Variants in MAGI2 observed in about 807,000 individuals in gnomAD.
The protein encoded by MAGI2 is membrane associated guanylate kinase, WW and PDZ domain containing 2, also known as membrane-associated guanylate kinase, WW and PDZ domain-containing protein 2.
MAGI2 carries 35 observed loss-of-function variants against 133.3 expected under a neutral mutation model. The observed-to-expected ratio is 0.26, with a 90% CI of 0.20 to 0.35. MAGI2 has a LOEUF of 0.35. Ranked by LOEUF, MAGI2 falls within the 10% of genes least tolerant of loss-of-function variation. The pLI is 1.00. For missense variants in MAGI2, 1,636 were observed against 1,863.4 expected (o/e 0.88, Z 2.25); for synonymous variants, 729 against 710.6 (o/e 1.03, Z -0.41).
At chr7:78,872,749 C>T (rs895437384) in intron 2 of MAGI2, among the ~76,000 whole-genome samples, 1 of 151,486 alleles carries the variant, frequency 6.6e-6, no homozygotes, top group Non-Finnish European at 1.5e-5. Flanking sequence ...ATTTCTGGCC[C>T]GTGGGTGAAA....
chr7:78,324,920 C>T (rs536889942), intron 9 of MAGI2, among the ~76,000 whole-genome samples: 7 of 152,182 alleles, frequency 4.6e-5, no homozygotes, highest in South Asian at 2.1e-4. Flanking sequence ...GAGCCAAGAT[C>T]GCGCCATTGT....
At chr7:78,497,763 T>G (rs1794249787) in intron 5 of MAGI2, among the ~76,000 whole-genome samples, 1 of 136,144 alleles carries the variant, frequency 7.3e-6, no homozygotes, top group Non-Finnish European at 1.5e-5. Context: ...TATCTATCTA[T>G]CTTTCTATCT....
Position 79,448,488 on chromosome 7 carries a change from G to C in MAGI2, c.301+4532C>G, listed in dbSNP as rs541988638. 6.6e-5 allele frequency among the ~76,000 whole-genome samples: 10 copies of C among 152,134 alleles called. 1 individual carries two copies. The highest frequency in any genetic ancestry group is 2.2e-4 in the African/African-American group (9 of 41,510). On this transcript the variant is annotated intron_variant, in intron 1 of 21. Transcript: ENST00000354212. ...TCTACATAATGCTTATCACCTGCCA[G>C]ACACTACACACTTTAAATACATAAC...
intron 1 of MAGI2, among the ~76,000 whole-genome samples, chr7:79,273,316 C>T (rs985649344): frequency 6.6e-6 from 1 of 152,072 alleles, no homozygotes; most frequent in Non-Finnish European, 1.5e-5. Flanking sequence ...AGTACTGAAT[C>T]TCTAATTTAG....
At position 79,323,075 on chromosome 7, in the gene MAGI2, C is replaced by A. The variant is rs187408010; in HGVS notation, c.301+129945G>T. Among the ~76,000 whole-genome samples the A allele has an allele frequency of 2.1e-3, 323 of 152,134 alleles. 1 individual carries two copies. The highest frequency in any genetic ancestry group is 6.5e-3 in the African/African-American group (270 of 41,528). On this transcript the variant is annotated intron_variant, in intron 1 of 21. Transcript: ENST00000354212. ...CTAGTCTCAAACTCTTGGGCTCAAG[C>A]AATCCTCCCACCTCGGCCTCCCAAA...
At chr7:79,352,241 G>A (rs1257176238) in intron 1 of MAGI2, among the ~76,000 whole-genome samples, 2 of 152,174 alleles carry the variant, frequency 1.3e-5, no homozygotes, top group Non-Finnish European at 2.9e-5. Flanking sequence ...TCAATTATGC[G>A]AAGTTAGACA....
At chr7:78,161,668 A>T (rs1331670549) in intron 15 of MAGI2, among the ~76,000 whole-genome samples, 2 of 66,824 alleles carry the variant, frequency 3.0e-5, no homozygotes, top group South Asian at 4.4e-4. Flanking sequence ...ATCGATACCT[A>T]AAAAAAAAAA....
intron 9 of MAGI2, among the ~76,000 whole-genome samples, chr7:78,307,404 C>T (rs2151087108): frequency 6.6e-6 from 1 of 152,176 alleles, no homozygotes; most frequent in South Asian, 2.1e-4. Context: ...TATGTCTTTG[C>T]CAGGTAGTGA....
At chr7:78,177,500 TC>T (rs1826772268) in intron 14 of MAGI2, among the ~76,000 whole-genome samples, 1 of 152,038 alleles carries the variant, frequency 6.6e-6, no homozygotes, top group Non-Finnish European at 1.5e-5. Flanking sequence ...CTTCTAGATT[TC>T]CCAATATATA....
chr7:78,675,130 C>A (rs764829201), intron 2 of MAGI2, among the ~76,000 whole-genome samples: 4 of 152,186 alleles, frequency 2.6e-5, no homozygotes, highest in Non-Finnish European at 5.9e-5. Context: ...GGGGTTACTG[C>A]AAAGACCCAA....
At chr7:78,379,743 A>G (rs1794752089) in intron 6 of MAGI2, among the ~76,000 whole-genome samples, 1 of 152,078 alleles carries the variant, frequency 6.6e-6, no homozygotes, top group Non-Finnish European at 1.5e-5. Flanking sequence ...CTACAATAAT[A>G]GAAAATACAC....
chr7:79,336,268 G>A (rs1026980116), intron 1 of MAGI2, among the ~76,000 whole-genome samples: 4 of 152,138 alleles, frequency 2.6e-5, no homozygotes, highest in South Asian at 2.1e-4. Context: ...CATGTCTAAC[G>A]TCACACTACT....
At chr7:78,396,514 A>G (rs962826882) in intron 6 of MAGI2, among the ~76,000 whole-genome samples, 1 of 152,140 alleles carries the variant, frequency 6.6e-6, no homozygotes, top group African/African-American at 2.4e-5. Flanking sequence ...ATCTCCTTTC[A>G]CATATCACAT....
chr7:78,100,318 C>G (rs1199303821), intron 20 of MAGI2, among the ~76,000 whole-genome samples: 1 of 152,140 alleles, frequency 6.6e-6, no homozygotes, highest in Non-Finnish European at 1.5e-5. Flanking sequence ...GCATTCCAGG[C>G]TGAGTTATGC....
chr7:78,963,123 A>C (rs1313134176), intron 2 of MAGI2, among the ~76,000 whole-genome samples: 10 of 152,136 alleles, frequency 6.6e-5, no homozygotes, highest in Non-Finnish European at 7.4e-5. Context: ...CTTTAAAAAA[A>C]ACAATTTTAC....
chr7:78,519,003 G>A (rs1796266256), intron 4 of MAGI2: 1 of 151,628 alleles, frequency 6.6e-6, no homozygotes, highest in African/African-American at 2.4e-5. Context: ...CTCCCAAAGT[G>A]CTGGAATTAC....
chr7:78,193,816 A>G (rs1828460941), intron 12 of MAGI2, among the ~76,000 whole-genome samples: 2 of 151,308 alleles, frequency 1.3e-5, no homozygotes, highest in Admixed American at 1.3e-4. Flanking sequence ...TGATTTCTCA[A>G]TGGCTTGCCA....
At chr7:78,192,523 C>CTTTTT (rs35559367) in intron 12 of MAGI2, among the ~76,000 whole-genome samples, 2 of 139,906 alleles carry the variant, frequency 1.4e-5, no homozygotes, top group East Asian at 2.1e-4. Context: ...AAAAGGCTGT[C>CTTTTT]TTTTTTTTTT....
At chr7:79,377,559 A>G (rs889379303) in intron 1 of MAGI2, among the ~76,000 whole-genome samples, 6 of 151,930 alleles carry the variant, frequency 3.9e-5, no homozygotes, top group Non-Finnish European at 8.8e-5. Context: ...ATGAAAGATA[A>G]GAAAAGAATG....
Sources: allele counts gnomAD v4.1 joint callset (sites outside exome capture counted in the v4.1 genomes callset), GRCh38; gene constraint gnomAD v4.1.1; transcripts MANE v1.5; gene names NCBI Gene and HGNC (gene_info 2026-07-23, HGNC 2026-07-21).